AK4: variants seen among roughly 807,000 people sequenced by gnomAD.
AK4 encodes the protein adenylate kinase 4, also known as adenylate kinase 4, mitochondrial.
A neutral mutation model predicts 24.6 loss-of-function variants in AK4; 13 were observed. The observed-to-expected ratio is 0.53, with a 90% CI of 0.34 to 0.84. The LOEUF (loss-of-function observed/expected upper bound fraction) is 0.84, where lower values mean the gene tolerates loss of function less well. Ranked by LOEUF, AK4 falls within the 40% of genes least tolerant of loss-of-function variation. AK4 has a pLI of 0.01. For missense variants in AK4, 192 were observed against 288.2 expected (o/e 0.67, Z 2.42); for synonymous variants, 88 against 107.0 (o/e 0.82, Z 1.10).
At position 65,207,894 on chromosome 1, in the gene AK4, T is replaced by C. The variant is rs79115127; in HGVS notation, c.266-10860T>C. Among the ~76,000 whole-genome samples, 1,033 of 152,316 alleles carry C rather than the reference T, an allele frequency of 6.8e-3. 12 individuals are homozygous for C. Among genetic ancestry groups the C allele is most frequent in the African/African-American group, 0.024 (984 of 41,564 alleles). Reference sequence around the variant, plus strand: ...TGATCTCATTCTTATTACGGCTGCATAGTATTCCATGGTATATGGAATATA... The same window carrying C: ...TGATCTCATTCTTATTACGGCTGCACAGTATTCCATGGTATATGGAATATA... On this transcript the variant is annotated intron_variant, in intron 2 of 4. Transcript: ENST00000327299.
rs1431388840 is a variant in AK4, at chr1:65,228,746, A to G, written c.*2569A>G. 2 of 151,092 alleles carry G rather than the reference A, an allele frequency of 1.3e-5. No individual in the cohort carries two copies. 9.4% of individuals were successfully genotyped at this position (151,092 alleles called of 1,614,324 possible). A position where few individuals can be genotyped will look rare whatever the true frequency, so the allele number is the denominator to read the frequency against. The stretch of plus-strand genomic sequence containing the variant: ...GTTTTTTTTTTTTCTATTGCCACAC[A>G]TGACCGTTCCTTCACCTTTAAGCAA... On this transcript the variant is annotated 3_prime_UTR_variant, in exon 5 of 5. Transcript: ENST00000327299.
At chr1:65,159,914 G>C (rs985183407) in intron 1 of AK4, among the ~76,000 whole-genome samples, 1 of 146,002 alleles carries the variant, frequency 6.8e-6, no homozygotes, top group African/African-American at 2.6e-5. Flanking sequence ...GTTGTAGTGA[G>C]CCAAGATCGT....
At chr1:65,184,047 A>G (rs537237227) in intron 1 of AK4, among the ~76,000 whole-genome samples, 1 of 152,324 alleles carries the variant, frequency 6.6e-6, no homozygotes, top group South Asian at 2.1e-4. Context: ...CTTAATGCAC[A>G]GTTTAATAGT....
Position 65,178,769 on chromosome 1 carries a change from A to G in AK4, c.146-11941A>G, listed in dbSNP as rs369604605. On this transcript the variant is annotated intron_variant, in intron 1 of 4. Transcript: ENST00000327299. ...CCGTCTTTCCTCCACGAGTCTGTAGATTGCGGGAGGGTAGGAACCACAGTC... is the reference window on the plus strand; with the variant it reads ...CCGTCTTTCCTCCACGAGTCTGTAGGTTGCGGGAGGGTAGGAACCACAGTC... 3.3e-5 allele frequency among the ~76,000 whole-genome samples: 5 copies of G among 152,284 alleles called. No individual in the cohort carries two copies. In the East Asian group the frequency reaches 7.7e-4, roughly 24 times the overall value.
intron 1 of AK4, among the ~76,000 whole-genome samples, chr1:65,171,598 C>T (rs773365913): frequency 1.3e-5 from 2 of 152,034 alleles, no homozygotes; most frequent in African/African-American, 2.4e-5. Context: ...AGCCACTGTG[C>T]CCAGCCAATA....
At chr1:65,206,873 G>C (rs553201632) in intron 2 of AK4, among the ~76,000 whole-genome samples, 1 of 152,328 alleles carries the variant, frequency 6.6e-6, no homozygotes, top group East Asian at 1.9e-4. Flanking sequence ...AATGGAATAT[G>C]CATTTTCCCT....
intron 1 of AK4, among the ~76,000 whole-genome samples, chr1:65,172,063 G>GTGTATATATATATA (rs1433940516): frequency 6.1e-5 from 4 of 65,768 alleles, no homozygotes; most frequent in Admixed American, 1.8e-4. Flanking sequence ...TCCATCTCAA[G>GTGTATATATATATA]TATATATATA....
In AK4 at chr1:65,228,461, G is replaced by A. The variant is rs1652533201; in HGVS notation, c.*2284G>A. ...AGTCACTCAATAAGTCTCAACAGTG[G>A]GTGTGTTTGCTGAGATTGTCCAGCG... On this transcript the variant is annotated 3_prime_UTR_variant, in exon 5 of 5. Transcript: ENST00000327299. 1 of 152,004 alleles carries A rather than the reference G, an allele frequency of 6.6e-6. No homozygotes were observed. The highest frequency in any genetic ancestry group is 1.5e-5 in the Non-Finnish European group (1 of 68,030). 9.4% of individuals were successfully genotyped at this position (152,004 alleles called of 1,614,324 possible). A position where few individuals can be genotyped will look rare whatever the true frequency, so the allele number is the denominator to read the frequency against.
intron 1 of AK4, among the ~76,000 whole-genome samples, chr1:65,150,041 C>G (rs1000684494): frequency 4.6e-5 from 7 of 152,160 alleles, no homozygotes; most frequent in Non-Finnish European, 1.0e-4. Context: ...CCATAATTCT[C>G]TGTACCTGAC....
intron 2 of AK4, among the ~76,000 whole-genome samples, chr1:65,212,250 C>T (rs10789176): frequency 0.39 from 59,779 of 151,828 alleles, 12,214 homozygotes; most frequent in East Asian, 0.67. Context: ...ACCATGATGC[C>T]CTGCTTTTTA....
At chr1:65,221,954 G>A (rs1341657996) in intron 3 of AK4, among the ~76,000 whole-genome samples, 1 of 152,168 alleles carries the variant, frequency 6.6e-6, no homozygotes, top group South Asian at 2.1e-4. Flanking sequence ...GGACACGGAC[G>A]CAAGGAGTTT....
rs975941136 is a variant in AK4, at chr1:65,228,759, C to T, written c.*2582C>T. ...CTATTGCCACACATGACCGTTCCTT[C>T]ACCTTTAAGCAAAGAGAGTGGTTCA... On this transcript the variant is annotated 3_prime_UTR_variant, in exon 5 of 5. Coordinates refer to ENST00000327299, the MANE Select transcript of AK4 (RefSeq NM_013410.4). The T allele has an allele frequency of 5.3e-5, 8 of 150,992 alleles. No homozygotes were observed. Among genetic ancestry groups the T allele is most frequent in the African/African-American group, 1.9e-4 (8 of 41,094 alleles). The allele number at this position is 150,992 out of a possible 1,614,324, so 9.4% of individuals were successfully genotyped here.
intron 1 of AK4, among the ~76,000 whole-genome samples, chr1:65,156,919 G>A (rs1162529372): frequency 7.7e-6 from 1 of 129,488 alleles, no homozygotes; most frequent in Non-Finnish European, 1.5e-5. Flanking sequence ...GGGCGAGACT[G>A]TGTCTCAAAA....
rs192802656 is a variant in AK4, at chr1:65,194,502, C to T, written c.265+3673C>T. 8.1e-4 allele frequency among the ~76,000 whole-genome samples: 124 copies of T among 152,204 alleles called. 2 individuals are homozygous for T. The Middle Eastern group carries it at 0.01, about 13-fold the overall frequency. On this transcript the variant is annotated intron_variant, in intron 2 of 4. Transcript: ENST00000327299. The stretch of plus-strand genomic sequence containing the variant: ...TTTTTTTGAGATGAAGTCTCTGTCG[C>T]CCAGGCCAGAGTGCCATGGCCTGAT...
At chr1:65,149,172 C>G (rs988026498) in intron 1 of AK4, 1 of 152,932 alleles carries the variant, frequency 6.5e-6, no homozygotes, top group Non-Finnish European at 1.5e-5. Flanking sequence ...CCCCCCCTCC[C>G]GAAGCCGCCG....
chr1:65,201,727 C>G (rs1454679714), intron 2 of AK4, among the ~76,000 whole-genome samples: 3 of 152,060 alleles, frequency 2.0e-5, no homozygotes, highest in African/African-American at 4.8e-5. Flanking sequence ...AACTGACCCT[C>G]TTTTGAAGGT....
intron 2 of AK4, among the ~76,000 whole-genome samples, chr1:65,213,988 C>T (rs988317302): frequency 1.3e-5 from 2 of 152,184 alleles, no homozygotes; most frequent in African/African-American, 4.8e-5. Flanking sequence ...TTAGAGGCCT[C>T]TGAAGGAGCA....
chr1:65,204,167 C>T (rs887214772), intron 2 of AK4, among the ~76,000 whole-genome samples: 2 of 151,524 alleles, frequency 1.3e-5, no homozygotes, highest in African/African-American at 4.8e-5. Context: ...AGGCATCAGA[C>T]TTTATATGCT....
At chr1:65,183,757 A>G (rs1216997146) in intron 1 of AK4, among the ~76,000 whole-genome samples, 3 of 151,336 alleles carry the variant, frequency 2.0e-5, no homozygotes, top group African/African-American at 7.3e-5. Flanking sequence ...TGGCTCTTCT[A>G]CTTACAGGTC....
Sources: allele counts gnomAD v4.1 joint callset (sites outside exome capture counted in the v4.1 genomes callset), GRCh38; gene constraint gnomAD v4.1.1; transcripts MANE v1.5; gene names NCBI Gene and HGNC (gene_info 2026-07-23, HGNC 2026-07-21).